Variants in DGKB observed in about 807,000 individuals in gnomAD.
DGKB encodes the protein 90 kDa diacylglycerol kinase.
A neutral mutation model predicts 114.3 loss-of-function variants in DGKB; 67 were observed. That is an observed-to-expected ratio of 0.59 (90% CI 0.48 to 0.72). The LOEUF is 0.72. DGKB is among the 30% of genes least tolerant of loss of function. DGKB has a pLI of 0.00. For missense variants in DGKB, 907 were observed against 975.2 expected (o/e 0.93, Z 0.93); for synonymous variants, 398 against 323.1 (o/e 1.23, Z -2.49).
At chr7:14,814,405 T>C (rs1192027666) in intron 2 of DGKB, among the ~76,000 whole-genome samples, 2 of 152,198 alleles carry the variant, frequency 1.3e-5, no homozygotes. Flanking sequence ...GCCTGAAGCC[T>C]ACATTACCTC....
In DGKB at chr7:14,429,934, A is replaced by C. The variant is rs1037726656; in HGVS notation, c.1835+48227T>G. Reference sequence around the variant, plus strand: ...AGAGTGAGACTCTGTCCCCCCCCCCAAAAAAAAGGCAAAATGTATTTCGGG... The same window carrying C: ...AGAGTGAGACTCTGTCCCCCCCCCCCAAAAAAAGGCAAAATGTATTTCGGG... On this transcript the variant is annotated intron_variant, in intron 21 of 25. Transcript: ENST00000402815. Among the ~76,000 whole-genome samples, 68 of 151,070 alleles carry C rather than the reference A, an allele frequency of 4.5e-4. 2 individuals are homozygous for C. Among genetic ancestry groups the C allele is most frequent in the East Asian group, 1.2e-3 (6 of 5,124 alleles).
intron 23 of DGKB, among the ~76,000 whole-genome samples, chr7:14,332,203 T>A (rs1037666023): frequency 2.0e-5 from 3 of 152,182 alleles, no homozygotes; most frequent in African/African-American, 7.2e-5. Flanking sequence ...ATCTGGGCTT[T>A]TCTCATTCTC....
intron 4 of DGKB, among the ~76,000 whole-genome samples, chr7:14,744,482 A>G (rs922618353): frequency 6.6e-6 from 1 of 152,138 alleles, no homozygotes; most frequent in Non-Finnish European, 1.5e-5. Context: ...TCACTTTCTA[A>G]TGGGCCCAGG....
In DGKB at chr7:14,567,180, TA is replaced by T. The variant is rs1433650243; in HGVS notation, c.1770+7031del. On this transcript the variant is annotated intron_variant, in intron 20 of 25. Transcript: ENST00000402815. ...CAATTATATTTATATATATTATATA[TA>T]ATTATATATTTATATATTATATATA... is the stretch of plus-strand genomic sequence containing the variant. Among the ~76,000 whole-genome samples the T allele has an allele frequency of 5.5e-4, 46 of 82,914 alleles. No homozygotes were observed. In the South Asian group the frequency reaches 7.8e-3, roughly 14 times the overall value. 54.4% of individuals were successfully genotyped at this position (82,914 alleles called of 152,430 possible). A position where few individuals can be genotyped will look rare whatever the true frequency, so the allele number is the denominator to read the frequency against.
chr7:14,706,047 C>A (rs1490825347), intron 6 of DGKB, among the ~76,000 whole-genome samples: 4 of 150,318 alleles, frequency 2.7e-5, no homozygotes, highest in Non-Finnish European at 3.0e-5. Flanking sequence ...CAAGACCCAT[C>A]AGTGTGCTGT....
intron 2 of DGKB, among the ~76,000 whole-genome samples, chr7:14,813,501 A>G (rs1474828279): frequency 2.6e-5 from 4 of 152,022 alleles, no homozygotes; most frequent in Admixed American, 2.0e-4. Context: ...GCCACCAGAT[A>G]TTTTCTCCCC....
chr7:14,874,210 T>C (rs1165385073), intron 1 of DGKB, among the ~76,000 whole-genome samples: 3 of 152,092 alleles, frequency 2.0e-5, no homozygotes, highest in Non-Finnish European at 2.9e-5. Flanking sequence ...AGCCTGATAT[T>C]CTCTGGTAAG....
intron 20 of DGKB, among the ~76,000 whole-genome samples, chr7:14,501,433 T>C (rs1786159757): frequency 6.6e-6 from 1 of 151,938 alleles, no homozygotes; most frequent in South Asian, 2.1e-4. Context: ...GGAATGCTTA[T>C]AGTTTGGCTA....
intron 2 of DGKB, among the ~76,000 whole-genome samples, chr7:14,836,361 G>A (rs1269052221): frequency 6.6e-6 from 1 of 152,100 alleles, no homozygotes; most frequent in Non-Finnish European, 1.5e-5. Context: ...TAATAACATA[G>A]TATTTTTCGA....
At chr7:14,814,014 CG>C (rs1843761427) in intron 2 of DGKB, 2 of 152,006 alleles carry the variant, frequency 1.3e-5, no homozygotes, top group Admixed American at 6.6e-5. Flanking sequence ...ATATTCCATA[CG>C]TTTTCTCAAT....
chr7:14,729,285 G>A (rs1830538860), intron 5 of DGKB, among the ~76,000 whole-genome samples: 1 of 133,310 alleles, frequency 7.5e-6, no homozygotes. Context: ...ACCACATCCG[G>A]CTAATTTTTT....
rs373816353 is a variant in DGKB, at chr7:14,261,234, T to C, written c.2122+77281A>G. Among the ~76,000 whole-genome samples, 239 of 151,400 alleles carry C rather than the reference T, an allele frequency of 1.6e-3. 1 individual carries two copies. Among genetic ancestry groups the C allele is most frequent in the African/African-American group, 5.6e-3 (230 of 41,132 alleles). On this transcript the variant is annotated intron_variant, in intron 23 of 25. Coordinates refer to ENST00000402815, the MANE Select transcript of DGKB (RefSeq NM_001350709.2). Reference sequence around the variant, plus strand: ...GACAAATATTACGGTGGGAAAAATCTGTCATTTCAGTGAAAAAAAAAAAGC... The same window carrying C: ...GACAAATATTACGGTGGGAAAAATCCGTCATTTCAGTGAAAAAAAAAAAGC...
chr7:14,381,789 G>A (rs1190805040), intron 21 of DGKB, among the ~76,000 whole-genome samples: 1 of 152,110 alleles, frequency 6.6e-6, no homozygotes, highest in East Asian at 1.9e-4. Flanking sequence ...CCTGTCTCTA[G>A]CCACACTGTA....
chr7:14,770,305 CA>C (rs898931531), intron 2 of DGKB, among the ~76,000 whole-genome samples: 29 of 151,982 alleles, frequency 1.9e-4, no homozygotes, highest in African/African-American at 7.0e-4. Flanking sequence ...AATCGGGTTG[CA>C]AGGCTTCATA....
chr7:14,561,927 A>G (rs1237843505), intron 20 of DGKB, among the ~76,000 whole-genome samples: 2 of 152,232 alleles, frequency 1.3e-5, no homozygotes, highest in East Asian at 3.9e-4. Flanking sequence ...AACTGTCTCC[A>G]GAGCATGCGA....
intron 4 of DGKB, among the ~76,000 whole-genome samples, chr7:14,751,950 A>G (rs1446682580): frequency 6.6e-6 from 1 of 152,196 alleles, no homozygotes; most frequent in African/African-American, 2.4e-5. Flanking sequence ...CATTAGTGGA[A>G]CACCTTTTAT....
intron 23 of DGKB, among the ~76,000 whole-genome samples, chr7:14,293,824 A>G (rs1489673639): frequency 6.6e-6 from 1 of 152,092 alleles, no homozygotes; most frequent in Non-Finnish European, 1.5e-5. Context: ...CAAAGTCCTT[A>G]TGTTCTTCTT....
rs566504186 is a variant in DGKB, at chr7:14,798,164, G to C, written c.71-40433C>G. ...CAATCAAGAGAGAGTGGGTACGATG[G>C]GGATGGAAGTTCTCACTCTGGTCTT... On this transcript the variant is annotated intron_variant, in intron 2 of 25. Transcript: ENST00000402815. Among the ~76,000 whole-genome samples the C allele has an allele frequency of 4.7e-4, 71 of 152,268 alleles. 1 individual carries two copies. Among genetic ancestry groups the C allele is most frequent in the Admixed American group, 3.9e-4 (6 of 15,298 alleles).
chr7:14,813,686 TCTTG>T (rs1843720422), intron 2 of DGKB, among the ~76,000 whole-genome samples: 1 of 152,190 alleles, frequency 6.6e-6, no homozygotes, highest in African/African-American at 2.4e-5. Context: ...ACTCCTGTCA[TCTTG>T]CTTTATGCTT....
Sources: allele counts gnomAD v4.1 joint callset (sites outside exome capture counted in the v4.1 genomes callset), GRCh38; gene constraint gnomAD v4.1.1; transcripts MANE v1.5; gene names NCBI Gene and HGNC (gene_info 2026-07-23, HGNC 2026-07-21).